The following COL11A1 variants were observed in gnomAD, a reference collection of about 807,000 sequenced individuals.
COL11A1 encodes collagen type XI alpha 1 chain, also known as collagen alpha-1(XI) chain.
In COL11A1, 74 loss-of-function variants were observed where a neutral mutation model predicts 265.2. That is an observed-to-expected ratio of 0.28 (90% CI 0.23 to 0.34). COL11A1 has a LOEUF of 0.34. COL11A1 is among the 10% of genes least tolerant of loss of function. COL11A1 has a pLI of 1.00. For synonymous variants in COL11A1, 816 were observed against 727.6 expected (o/e 1.12, Z -1.96); for missense variants, 2,165 against 2,263.6 (o/e 0.96, Z 0.88).
At chr1:102,888,164 T>A (rs557738446) in intron 62 of COL11A1, among the ~76,000 whole-genome samples, 8 of 152,316 alleles carry the variant, frequency 5.3e-5, no homozygotes, top group African/African-American at 1.9e-4. Context: ...CATTTTAGTA[T>A]TAATAAAGTG....
intron 1 of COL11A1, among the ~76,000 whole-genome samples, chr1:103,104,798 T>G (rs555545262): frequency 1.3e-5 from 2 of 152,178 alleles, no homozygotes; most frequent in African/African-American, 4.8e-5. Flanking sequence ...TAGCAAACAC[T>G]GCATTTCTTA....
chr1:103,019,111 A>C (rs1666789219), intron 9 of COL11A1, among the ~76,000 whole-genome samples: 1 of 152,180 alleles, frequency 6.6e-6, no homozygotes, highest in South Asian at 2.1e-4. Flanking sequence ...ATAATATTAC[A>C]AAGGAGAATA....
intron 4 of COL11A1, among the ~76,000 whole-genome samples, chr1:103,066,409 A>G (rs1452696409): frequency 6.6e-6 from 1 of 151,954 alleles, no homozygotes; most frequent in Admixed American, 6.5e-5. Flanking sequence ...ATACAATGAT[A>G]CAATATTAGC....
rs563164564 is a variant in COL11A1 at position 103,050,860 on chromosome 1, G to A, written c.652-19616C>T. On this transcript the variant is annotated intron_variant, in intron 4 of 66. Coordinates refer to ENST00000370096, the MANE Select transcript of COL11A1 (RefSeq NM_001854.4). ...TGCAGGTCTGTTGGAGTTTGCTAGA[G>A]GTCCACTCCAGACACTGTTTGCCTG... 2.7e-3 allele frequency among the ~76,000 whole-genome samples: 409 copies of A among 152,250 alleles called. 5 individuals are homozygous for A. The highest frequency in any genetic ancestry group is 9.2e-3 in the African/African-American group (382 of 41,530).
At chr1:103,038,186 G>C (rs778762349) in intron 4 of COL11A1, among the ~76,000 whole-genome samples, 6 of 152,202 alleles carry the variant, frequency 3.9e-5, no homozygotes, top group Non-Finnish European at 8.8e-5. Flanking sequence ...ACGTAGGTCA[G>C]GTGTAGTGGC....
intron 65 of COL11A1, 127 bp downstream of exon 65, chr1:102,881,570 C>T (rs1395717974): frequency 2.6e-6 from 2 of 780,782 alleles, no homozygotes; most frequent in African/African-American, 3.4e-5. Flanking sequence ...GTGGAACAAA[C>T]TAGAGACCAC....
intron 49 of COL11A1, among the ~76,000 whole-genome samples, chr1:102,916,966 A>C (rs1655409928): frequency 6.6e-6 from 1 of 151,960 alleles, no homozygotes; most frequent in African/African-American, 2.4e-5. Context: ...ATCAATTGTA[A>C]AATGTCCATG....
chr1:102,988,445 C>T (rs1570955180), intron 29 of COL11A1, among the ~76,000 whole-genome samples: 1 of 152,150 alleles, frequency 6.6e-6, no homozygotes, highest in East Asian at 1.9e-4. Context: ...TGCAATTCCC[C>T]TGTCTGGATA....
intron 4 of COL11A1, among the ~76,000 whole-genome samples, chr1:103,059,772 G>A (rs1389256700): frequency 1.3e-5 from 2 of 151,986 alleles, no homozygotes; most frequent in Non-Finnish European, 2.9e-5. Flanking sequence ...ACACTGCTAA[G>A]GAAAGAATCT....
chr1:103,025,737 G>T, intron 6 of COL11A1, 124 bp from the exon 7 acceptor site: 5 of 1,595,034 alleles, frequency 3.1e-6, no homozygotes, highest in Non-Finnish European at 4.3e-6. Context: ...TTAAGACTAT[G>T]ATTCATGATC....
At chr1:103,083,088 C>T in intron 1 of COL11A1, 116 bp from the exon 2 acceptor site, 2 of 984,138 alleles carry the variant, frequency 2.0e-6, no homozygotes, top group African/African-American at 1.6e-5. Context: ...TTATCACTTG[C>T]CATGCTTCCC....
chr1:103,012,502 T>G, intron 13 of COL11A1, 33 bp from the exon 14 acceptor site: 1 of 1,552,600 alleles, frequency 6.4e-7, no homozygotes. Flanking sequence ...TTCAGTAATA[T>G]TCTCCTGGAA....
intron 4 of COL11A1, among the ~76,000 whole-genome samples, chr1:103,064,976 G>A (rs1007816009): frequency 2.6e-5 from 4 of 152,062 alleles, no homozygotes; most frequent in Non-Finnish European, 5.9e-5. Flanking sequence ...GTGAGTACAT[G>A]TCATTACATA....
At chr1:102,967,549 A>C (rs554452898) in intron 37 of COL11A1, among the ~76,000 whole-genome samples, 1 of 151,988 alleles carries the variant, frequency 6.6e-6, no homozygotes, top group Admixed American at 6.6e-5. Context: ...CAATAAATTC[A>C]TTTTTAAACA....
At chr1:103,061,478 G>T (rs536358769) in intron 4 of COL11A1, among the ~76,000 whole-genome samples, 2 of 152,084 alleles carry the variant, frequency 1.3e-5, no homozygotes, top group Admixed American at 1.3e-4. Flanking sequence ...CATTCCTCAA[G>T]ATATACTACA....
At chr1:103,086,679 G>C (rs1672897776) in intron 1 of COL11A1, among the ~76,000 whole-genome samples, 1 of 151,986 alleles carries the variant, frequency 6.6e-6, no homozygotes, top group Admixed American at 6.6e-5. Context: ...GCCTCCCAAA[G>C]TGCTGGGATT....
At chr1:103,021,879 C>A in intron 8 of COL11A1, 110 bp from the exon 9 acceptor site, 1 of 830,220 alleles carries the variant, frequency 1.2e-6, no homozygotes. Flanking sequence ...ACGGAGTCTC[C>A]CTCTGTTGCC....
chr1:102,974,325 T>A (rs141187150), intron 36 of COL11A1, among the ~76,000 whole-genome samples: 58 of 152,280 alleles, frequency 3.8e-4, no homozygotes, highest in African/African-American at 1.3e-3. Flanking sequence ...CATAAAAGGG[T>A]TAAGATTTAA....
chr1:102,987,041 C>T (rs888043568), intron 30 of COL11A1, among the ~76,000 whole-genome samples: 1 of 152,026 alleles, frequency 6.6e-6, no homozygotes, highest in Admixed American at 6.6e-5. Flanking sequence ...TTCATTGATT[C>T]TTTCATCCTT....
Sources: allele counts gnomAD v4.1 joint callset (sites outside exome capture counted in the v4.1 genomes callset), GRCh38; gene constraint gnomAD v4.1.1; transcripts MANE v1.5; gene names NCBI Gene and HGNC (gene_info 2026-07-23, HGNC 2026-07-21).